Variants in FGF14 observed in about 807,000 individuals in gnomAD.
FGF14 encodes fibroblast growth factor 14.
A neutral mutation model predicts 25.5 loss-of-function variants in FGF14; 5 were observed. The observed-to-expected ratio is 0.20, with a 90% CI of 0.10 to 0.41. FGF14 has a LOEUF of 0.41. FGF14 is among the 10% of genes least tolerant of loss of function. FGF14 has a pLI of 1.00. For missense variants in FGF14, 222 were observed against 320.1 expected, an observed-to-expected ratio of 0.69 and a Z score of 2.34; for synonymous variants, 138 against 118.3, an observed-to-expected ratio of 1.17 and a Z score of -1.08.
chr13:102,382,697 T>C lies in FGF14; in HGVS notation c.208+18774A>G, dbSNP rs568392516. ...ATGTTCATAGCTGCATTATTTATAG[T>C]AGTAAAATAATGAAAACAACCCAAA... On this transcript the variant is annotated intron_variant, in intron 1 of 4. Transcript: ENST00000376131. Among the ~76,000 whole-genome samples, 8 of 152,216 alleles carry C rather than the reference T, an allele frequency of 5.3e-5. No individual in the cohort carries two copies. In the East Asian group the frequency reaches 1.5e-3, roughly 29 times the overall value.
intron 1 of FGF14, among the ~76,000 whole-genome samples, chr13:102,294,447 A>G (rs2054593328): frequency 6.6e-6 from 1 of 151,846 alleles, no homozygotes; most frequent in South Asian, 2.1e-4. Context: ...CTGAATGATT[A>G]GGAAAACTAC....
rs149538688 is a variant in FGF14, at chr13:101,849,292, G to A, written c.408+19433C>T. Among the ~76,000 whole-genome samples, 833 of 152,136 alleles carry A rather than the reference G, an allele frequency of 5.5e-3. 9 individuals are homozygous for A. Among genetic ancestry groups the A allele is most frequent in the African/African-American group, 0.019 (801 of 41,544 alleles). The stretch of plus-strand genomic sequence containing the variant: ...GAAGGGACACAAAATCACCGTAAGC[G>A]ACCGGAAACCAAATGCTTACAAATA... On this transcript the variant is annotated intron_variant, in intron 3 of 4. Coordinates refer to ENST00000376143, the MANE Select transcript of FGF14 (RefSeq NM_004115.4).
At chr13:102,364,879 G>C (rs1411093603) in intron 1 of FGF14, among the ~76,000 whole-genome samples, 4 of 152,160 alleles carry the variant, frequency 2.6e-5, no homozygotes, top group African/African-American at 9.7e-5. Context: ...ACACATATGG[G>C]CGAGATGCAA....
chr13:101,809,313 T>A (rs990235664), intron 3 of FGF14, among the ~76,000 whole-genome samples: 2 of 152,130 alleles, frequency 1.3e-5, no homozygotes, highest in Non-Finnish European at 2.9e-5. Context: ...ATCTTTAACC[T>A]TATGCCTTTT....
chr13:101,777,957 T>A (rs576441236), intron 3 of FGF14, among the ~76,000 whole-genome samples: 2 of 152,130 alleles, frequency 1.3e-5, no homozygotes, highest in South Asian at 4.2e-4. Context: ...AGAGCAAGAC[T>A]CCATCTCAAA....
intron 1 of FGF14, among the ~76,000 whole-genome samples, chr13:102,227,344 G>A (rs1485978549): frequency 6.6e-6 from 1 of 152,034 alleles, no homozygotes; most frequent in Non-Finnish European, 1.5e-5. Context: ...ATGCTTAAAT[G>A]TCTCATCTTT....
intron 1 of FGF14, among the ~76,000 whole-genome samples, chr13:102,127,254 A>T (rs77739765): frequency 0.032 from 4,823 of 152,304 alleles, 284 homozygotes; most frequent in African/African-American, 0.11. Context: ...ATAAACCTGA[A>T]GTATTTATGG....
chr13:101,886,803 G>C (rs1385061821), intron 1 of FGF14, among the ~76,000 whole-genome samples: 1 of 151,666 alleles, frequency 6.6e-6, no homozygotes, highest in Non-Finnish European at 1.5e-5. Flanking sequence ...ATCTAACAAG[G>C]GATTAATAAC....
At position 102,144,251 on chromosome 13, in the gene FGF14, A is replaced by C. The variant is rs147326946; in HGVS notation, c.208+257220T>G. ...TAGTAAGATTAAAAAATTTTTAAAA[A>C]TCCACACCAAGCATATGTTACAACC... On this transcript the variant is annotated intron_variant, in intron 1 of 4. Coordinates refer to the FGF14 transcript ENST00000376131. 5.7e-3 allele frequency among the ~76,000 whole-genome samples: 864 copies of C among 152,218 alleles called. 6 individuals are homozygous for C. The highest frequency in any genetic ancestry group is 9.3e-3 in the Non-Finnish European group (634 of 68,008).
intron 1 of FGF14, among the ~76,000 whole-genome samples, chr13:102,189,189 A>T (rs1322696371): frequency 1.3e-5 from 2 of 152,150 alleles, no homozygotes; most frequent in Non-Finnish European, 2.9e-5. Context: ...TGGTTAAAAG[A>T]CTAGATCATA....
chr13:101,753,296 CAG>C (rs1037340456), intron 3 of FGF14, among the ~76,000 whole-genome samples: 2 of 88,588 alleles, frequency 2.3e-5, no homozygotes, highest in Admixed American at 1.4e-4. Context: ...CACACACAGA[CAG>C]ACACACACAC....
chr13:102,163,854 G>C (rs777940022), intron 1 of FGF14, among the ~76,000 whole-genome samples: 44 of 152,108 alleles, frequency 2.9e-4, no homozygotes, highest in Non-Finnish European at 6.2e-4. Flanking sequence ...AAACATTCTG[G>C]AGGCCACTTA....
intron 1 of FGF14, among the ~76,000 whole-genome samples, chr13:102,090,182 A>G (rs371971745): frequency 6.6e-6 from 1 of 152,204 alleles, no homozygotes; most frequent in Admixed American, 6.5e-5. Context: ...AATATATACA[A>G]CGTATATTTA....
At chr13:102,381,195 A>G (rs2058175079) in intron 1 of FGF14, among the ~76,000 whole-genome samples, 1 of 152,228 alleles carries the variant, frequency 6.6e-6, no homozygotes, top group Non-Finnish European at 1.5e-5. Flanking sequence ...AGTAATAGTA[A>G]GTCAAACCAT....
intron 3 of FGF14, among the ~76,000 whole-genome samples, chr13:101,861,576 A>G (rs2044419049): frequency 6.6e-6 from 1 of 152,044 alleles, no homozygotes; most frequent in Non-Finnish European, 1.5e-5. Flanking sequence ...AAACAAAGTC[A>G]ACATATGTAC....
At chr13:102,074,882 TATG>T (rs1042083477) in intron 1 of FGF14, among the ~76,000 whole-genome samples, 15 of 152,336 alleles carry the variant, frequency 9.8e-5, no homozygotes, top group African/African-American at 3.6e-4. Flanking sequence ...AACATTCTCT[TATG>T]ATAACAATTC....
At chr13:102,095,567 TTC>T (rs1398350278) in intron 1 of FGF14, among the ~76,000 whole-genome samples, 1 of 152,136 alleles carries the variant, frequency 6.6e-6, no homozygotes, top group African/African-American at 2.4e-5. Context: ...CTCTCCTGCC[TTC>T]TTTTCCACTT....
At chr13:101,816,217 C>A (rs2041838678) in intron 3 of FGF14, among the ~76,000 whole-genome samples, 1 of 147,904 alleles carries the variant, frequency 6.8e-6, no homozygotes, top group African/African-American at 2.5e-5. Context: ...TTGCAGTGAG[C>A]CGAGATCGCG....
At position 101,712,699 on chromosome 13, in the gene FGF14, A is replaced by G. The variant is rs558017750; in HGVS notation, c.*10132T>C. The G allele has an allele frequency of 1.3e-5, 2 of 152,324 alleles. No homozygotes were observed. The highest frequency in any genetic ancestry group is 4.8e-5 in the African/African-American group (2 of 41,568). The allele number at this position is 152,324 out of a possible 1,614,324, so 9.4% of individuals were successfully genotyped here. A position where few individuals can be genotyped will look rare whatever the true frequency, so the allele number is the denominator to read the frequency against. ...AGGAAACTTCTCTGATAGTCAATGA[A>G]ATACTCCATGTGGTCTTTGTTGGCA... is the stretch of plus-strand genomic sequence containing the variant. On this transcript the variant is annotated 3_prime_UTR_variant, in exon 5 of 5. Transcript: ENST00000376143.
Sources: gnomAD v4.1 joint callset for allele counts (sites outside exome capture counted in the v4.1 genomes callset) on GRCh38, gnomAD v4.1.1 for gene constraint, MANE v1.5 for transcripts, NCBI Gene and HGNC (gene_info 2026-07-23, HGNC 2026-07-21) for gene names.